The following UBE3B variants were observed in gnomAD, a reference collection of about 807,000 sequenced individuals.
UBE3B encodes the protein ubiquitin-protein ligase E3B.
UBE3B carries 80 observed loss-of-function variants against 132.3 expected under a neutral mutation model. That is an observed-to-expected ratio of 0.60 (90% CI 0.50 to 0.73). The LOEUF (loss-of-function observed/expected upper bound fraction) is 0.73, where lower values mean the gene tolerates loss of function less well. UBE3B is among the 30% of genes least tolerant of loss of function. UBE3B has a pLI of 0.00. For missense variants in UBE3B, 1,196 were observed against 1,362.5 expected (o/e 0.88, Z 1.92); for synonymous variants, 487 against 520.4 (o/e 0.94, Z 0.87).
chr12:109,514,977 G>A (rs978134396), intron 18 of UBE3B, among the ~76,000 whole-genome samples: 4 of 150,516 alleles, frequency 2.7e-5, no homozygotes, highest in Non-Finnish European at 3.0e-5. Flanking sequence ...GCAGTGGCGC[G>A]ATCTCAGCTC....
In UBE3B at chr12:109,489,919, G is replaced by A. The variant is rs1877145151; in HGVS notation, c.545G>A (p.Gly182Asp). The A allele has an allele frequency of 1.1e-5, 18 of 1,613,952 alleles. No individual in the cohort carries two copies. Among genetic ancestry groups the A allele is most frequent in the Non-Finnish European group, 1.5e-5 (18 of 1,179,922 alleles). ...TSTWKILRGK[G>D]ESLRPAMNHI... Reference sequence around the variant, plus strand: ...TGTTCTCACTGTTTTCTTTCTTTAGGTGAAAGTCTTCGACCAGCGATGAAC... The same window carrying A: ...TGTTCTCACTGTTTTCTTTCTTTAGATGAAAGTCTTCGACCAGCGATGAAC... Residue 182 changes from glycine (G) to aspartate (D), a missense_variant and splice_region_variant, in exon 8 of 28, where the codon GGT (glycine) becomes GAT (aspartate). Physicochemically the swap from Gly to Asp is moderately conservative, Grantham distance 94 (BLOSUM62 -1). Coordinates refer to ENST00000342494, the MANE Select transcript of UBE3B (RefSeq NM_130466.4).
intron 2 of UBE3B, 36 bp from the exon 3 acceptor site, chr12:109,483,495 C>T: frequency 6.6e-7 from 1 of 1,511,208 alleles, no homozygotes; most frequent in Non-Finnish European, 8.8e-7. Context: ...TTTCACACAA[C>T]AATCTACAAC....
intron 13 of UBE3B, among the ~76,000 whole-genome samples, chr12:109,502,801 G>T (rs1879162663): frequency 6.6e-6 from 1 of 152,220 alleles, no homozygotes; most frequent in African/African-American, 2.4e-5. Flanking sequence ...CTTATTCTGA[G>T]AAATATTTGG....
At position 109,536,021 on chromosome 12, in the gene UBE3B, TC is replaced by T. The variant is rs1883402660; in HGVS notation, c.*1242del. Reference sequence around the variant, plus strand: ...CGGATTCGAAGCCAGGAAGGCCCAGTCCCTCCTCTGCTCTCCTCAAAGACGC... The same window carrying T: ...CGGATTCGAAGCCAGGAAGGCCCAGTCCTCCTCTGCTCTCCTCAAAGACGC... On this transcript the variant is annotated 3_prime_UTR_variant, in exon 28 of 28. Transcript: ENST00000342494. 6.6e-6 allele frequency: 1 copy of T among 152,192 alleles called. No homozygotes were observed. The highest frequency in any genetic ancestry group is 2.1e-4 in the South Asian group (1 of 4,824). 9.4% of individuals were successfully genotyped at this position (152,192 alleles called of 1,614,324 possible). A position where few individuals can be genotyped will look rare whatever the true frequency, so the allele number is the denominator to read the frequency against.
At chr12:109,542,595 T>G in the UBE3B span, among the ~76,000 whole-genome samples, 2 of 152,098 alleles carry the variant, frequency 1.3e-5, no homozygotes, top group African/African-American at 4.8e-5. Flanking sequence ...CATATAGGAG[T>G]AGGGTGGGAC....
rs370344870 is a variant in UBE3B at position 109,503,085 on chromosome 12, G to A, written c.1345G>A (p.Gly449Ser). 1.2e-6 allele frequency: 2 copies of A among 1,614,170 alleles called. No individual in the cohort carries two copies. Among genetic ancestry groups the A allele is most frequent in the Admixed American group, 1.7e-5 (1 of 60,024 alleles). Residue 449 changes from glycine to serine, a missense_variant, in exon 14 of 28, where the codon GGT (glycine) becomes AGT (serine). Coordinates refer to ENST00000342494, the MANE Select transcript of UBE3B (RefSeq NM_130466.4). The stretch of plus-strand genomic sequence containing the variant: ...CCGGAATATTCTCAGGCCTGTCGGG[G>A]GTAAACGGGTCGACTCTGCAGAAGT... ...SVRNILRPVGGKRVDSAEVQK... is the reference protein window; with the variant it reads ...SVRNILRPVGSKRVDSAEVQK...
At chr12:109,528,282 TTCCCTCCCTCTCACCTCC>T (rs1053467835) in intron 24 of UBE3B, 1 of 941,164 alleles carries the variant, frequency 1.1e-6, no homozygotes, top group African/African-American at 1.8e-5. Flanking sequence ...CCCTCTCTCC[TTCCCTCCCTCTCACCTCC>T]TCCCTTCCTC....
At chr12:109,488,219 T>C (rs1188957617) in intron 6 of UBE3B, among the ~76,000 whole-genome samples, 1 of 152,206 alleles carries the variant, frequency 6.6e-6, no homozygotes, top group Non-Finnish European at 1.5e-5. Context: ...CCCAGAGTCC[T>C]AGTCATGCTC....
chr12:109,528,497 C>G, intron 24 of UBE3B: 2 of 985,210 alleles, frequency 2.0e-6, no homozygotes, highest in Non-Finnish European at 2.4e-6. Flanking sequence ...TTTATTTGGA[C>G]TCTACTGATT....
At chr12:109,490,060 T>C in intron 8 of UBE3B, 56 bp downstream of exon 8, 1 of 1,545,356 alleles carries the variant, frequency 6.5e-7, no homozygotes, top group South Asian at 1.1e-5. Flanking sequence ...CACCTGCACT[T>C]GGATTTTTAC....
the UBE3B span, among the ~76,000 whole-genome samples, chr12:109,544,931 A>AGG: frequency 6.6e-6 from 1 of 152,228 alleles, no homozygotes; most frequent in African/African-American, 2.4e-5. Context: ...CTGCCTGTGA[A>AGG]GGGGCAGTGC....
rs1401986048 is a variant in UBE3B, at chr12:109,530,088, G to C, written c.2810+16G>C. 3 of 1,611,628 alleles carry C rather than the reference G, an allele frequency of 1.9e-6. No homozygotes were observed. The African/African-American group carries it at 4.0e-5, about 22-fold the overall frequency. On this transcript the variant is annotated intron_variant, in intron 25 of 27. Transcript: ENST00000342494. ...AAGATTTAAAGTAAGAGGCGGGTGGGGGGAAGGGTGAAATTCCTTGGCCTC... is the reference window on the plus strand; with the variant it reads ...AAGATTTAAAGTAAGAGGCGGGTGGCGGGAAGGGTGAAATTCCTTGGCCTC...
At chr12:109,500,890 C>G (rs371668886) in intron 12 of UBE3B, among the ~76,000 whole-genome samples, 1 of 152,148 alleles carries the variant, frequency 6.6e-6, no homozygotes, top group Non-Finnish European at 1.5e-5. Context: ...CACTAGGAGT[C>G]TCACCTCACC....
chr12:109,525,540 G>A (rs1882245407), intron 23 of UBE3B, among the ~76,000 whole-genome samples: 1 of 152,168 alleles, frequency 6.6e-6, no homozygotes, highest in South Asian at 2.1e-4. Context: ...CCTTTCTAGA[G>A]CTGTAGGGTT....
At chr12:109,491,808 C>A (rs577823861) in intron 9 of UBE3B, 1 of 152,350 alleles carries the variant, frequency 6.6e-6, no homozygotes, top group East Asian at 1.9e-4. Flanking sequence ...ATCTGTGGAT[C>A]TACAGTACAC....
rs1373323451 is a variant in UBE3B at position 109,521,436 on chromosome 12, T to C, written c.2254-5T>C. 2 of 1,579,694 alleles carry C rather than the reference T, an allele frequency of 1.3e-6. No individual in the cohort carries two copies. Among genetic ancestry groups the C allele is most frequent in the Non-Finnish European group, 1.7e-6 (2 of 1,156,666 alleles). On this transcript the variant is annotated splice_polypyrimidine_tract_variant and splice_region_variant and intron_variant, in intron 20 of 27. Coordinates refer to ENST00000342494, the MANE Select transcript of UBE3B (RefSeq NM_130466.4). This position sits in a 1 kb window ranked among gnomAD's most constrained non-coding sequence, Gnocchi z 4.2. ...TCTGCCTCTCCCCGTCTTTTTGCCTTGCAGACAACCAGTGGGGATGAGAGG... is the reference window on the plus strand; with the variant it reads ...TCTGCCTCTCCCCGTCTTTTTGCCTCGCAGACAACCAGTGGGGATGAGAGG...
intron 24 of UBE3B, chr12:109,528,402 T>G: frequency 4.1e-6 from 4 of 985,324 alleles, no homozygotes; most frequent in Non-Finnish European, 4.8e-6. Flanking sequence ...CGTATTTGTA[T>G]GTATTAATAT....
chr12:109,499,015 G>A (rs949289317), intron 11 of UBE3B, among the ~76,000 whole-genome samples: 2 of 151,786 alleles, frequency 1.3e-5, no homozygotes, highest in Non-Finnish European at 2.9e-5. Flanking sequence ...TAGTGGAGAC[G>A]GGGTTTTTCA....
At chr12:109,516,562 A>G (rs977829169) in intron 18 of UBE3B, among the ~76,000 whole-genome samples, 1 of 152,018 alleles carries the variant, frequency 6.6e-6, no homozygotes, top group Admixed American at 6.6e-5. Context: ...TTGCTTGTGT[A>G]TTCAACAGTA....
Sources: gnomAD v4.1 joint callset for allele counts (sites outside exome capture counted in the v4.1 genomes callset) on GRCh38, gnomAD v4.1.1 for gene constraint, Gnocchi (gnomAD v3.1) non-coding constraint, MANE v1.5 for transcripts, NCBI Gene and HGNC (gene_info 2026-07-23, HGNC 2026-07-21) for gene names.